The following FMN2 variants were observed in gnomAD, a reference collection of about 807,000 sequenced individuals.
The protein encoded by FMN2 is formin-2.
Under a neutral mutation model 142.3 loss-of-function variants are expected in FMN2, and 51 were observed. The observed-to-expected ratio is 0.36, with a 90% CI of 0.29 to 0.45. The LOEUF (loss-of-function observed/expected upper bound fraction) is 0.45. Ranked by LOEUF, FMN2 falls within the 20% of genes least tolerant of loss-of-function variation. The pLI, the probability that FMN2 is intolerant of heterozygous loss-of-function variation, is 1.00. For missense variants in FMN2, 1,936 were observed against 2,122.8 expected (o/e 0.91, Z 1.73); for synonymous variants, 882 against 869.8 (o/e 1.01, Z -0.25).
At chr1:240,145,500 C>T in intron 2 of FMN2, 1 of 197,062 alleles carries the variant, frequency 5.1e-6, no homozygotes, top group Non-Finnish European at 9.7e-6. Context: ...GTTTTTACTA[C>T]AATGAGGCAA....
At chr1:240,309,163 A>T (rs142940359) in intron 8 of FMN2, among the ~76,000 whole-genome samples, 34 of 152,334 alleles carry the variant, frequency 2.2e-4, no homozygotes, top group African/African-American at 6.5e-4. Context: ...GATAACTTTA[A>T]CAGCACCCTA....
At chr1:240,436,672 G>A (rs12091748) in intron 15 of FMN2, among the ~76,000 whole-genome samples, 1,614 of 42,732 alleles carry the variant, frequency 0.038, 31 homozygotes, top group African/African-American at 0.17. Context: ...GTGAGACTCC[G>A]TCTCAAAAAA....
intron 2 of FMN2, among the ~76,000 whole-genome samples, chr1:240,174,191 C>T (rs1664818928): frequency 6.6e-6 from 1 of 152,128 alleles, no homozygotes; most frequent in South Asian, 2.1e-4. Context: ...TTCTGCTACT[C>T]TGGAAAATAT....
chr1:240,249,285 G>T (rs1342361547), intron 6 of FMN2, among the ~76,000 whole-genome samples: 2 of 152,032 alleles, frequency 1.3e-5, no homozygotes, highest in Admixed American at 1.3e-4. Context: ...TATGGTGAGA[G>T]ATAAGGGTCA....
intron 6 of FMN2, among the ~76,000 whole-genome samples, chr1:240,235,296 A>G (rs183637780): frequency 6.6e-6 from 1 of 152,334 alleles, no homozygotes; most frequent in African/African-American, 2.4e-5. Flanking sequence ...AAAGACTTCT[A>G]AGCCAAGATA....
intron 10 of FMN2, 103 bp downstream of exon 10, chr1:240,329,571 C>T (rs1671310607): frequency 1.4e-6 from 2 of 1,437,432 alleles, no homozygotes; most frequent in African/African-American, 1.4e-5. Flanking sequence ...TAAGTACTCA[C>T]CAAATTTGAA....
chr1:240,144,397 G>T, intron 2 of FMN2: 1 of 1,605,998 alleles, frequency 6.2e-7, no homozygotes. Context: ...AGAAGTTGCT[G>T]TTGAGCTGTA....
intron 14 of FMN2, among the ~76,000 whole-genome samples, chr1:240,384,520 T>G (rs1472864163): frequency 6.6e-6 from 1 of 152,100 alleles, no homozygotes; most frequent in Non-Finnish European, 1.5e-5. Flanking sequence ...TTCTGTGTCT[T>G]TTTTCCCACT....
Position 240,184,236 on chromosome 1 carries a change from C to CTTTT in FMN2, c.1931-3950_1931-3947dup, listed in dbSNP as rs34050336. Among the ~76,000 whole-genome samples, 103 of 79,434 alleles carry CTTTT rather than the reference C, an allele frequency of 1.3e-3. 1 individual carries two copies. Among genetic ancestry groups the CTTTT allele is most frequent in the Middle Eastern group, 0.013 (1 of 76 alleles). The allele number at this position is 79,434 out of a possible 152,430, so 52.1% of individuals were successfully genotyped here. On this transcript the variant is annotated intron_variant, in intron 3 of 17. Coordinates refer to ENST00000319653, the MANE Select transcript of FMN2 (RefSeq NM_020066.5). ...AACTTTTTAAAATGGAATATTTAAC[C>CTTTT]TTTTTTTTTTTTTTTTTTTTTTTTG...
chr1:240,325,399 C>T (rs1441219961), intron 8 of FMN2, among the ~76,000 whole-genome samples: 1 of 150,402 alleles, frequency 6.6e-6, no homozygotes, highest in East Asian at 1.9e-4. Flanking sequence ...CATATTCCTC[C>T]AAAAGTAACA....
At chr1:240,444,752 A>T (rs2103194813) in intron 16 of FMN2, among the ~76,000 whole-genome samples, 1 of 152,296 alleles carries the variant, frequency 6.6e-6, no homozygotes, top group Non-Finnish European at 1.5e-5. Context: ...TTTTTCCGTA[A>T]TTTGTATTCA....
intron 13 of FMN2, among the ~76,000 whole-genome samples, chr1:240,344,237 A>C (rs1331960351): frequency 6.6e-6 from 1 of 152,148 alleles, no homozygotes; most frequent in Non-Finnish European, 1.5e-5. Context: ...AAATCTTTCT[A>C]TTTTTAGGGA....
At chr1:240,145,453 ACTTTTT>A (rs1324060740) in intron 2 of FMN2, 2 of 331,312 alleles carry the variant, frequency 6.0e-6, no homozygotes, top group Non-Finnish European at 1.1e-5. Flanking sequence ...TAGGGGAAAA[ACTTTTT>A]CTTTAGTATT....
chr1:240,132,454 C>T (rs533542380), intron 2 of FMN2, among the ~76,000 whole-genome samples: 1 of 152,238 alleles, frequency 6.6e-6, no homozygotes, highest in Admixed American at 6.5e-5. Context: ...GTGTTTAAGA[C>T]TTCAGAGGTG....
intron 6 of FMN2, among the ~76,000 whole-genome samples, chr1:240,214,470 G>A (rs2103409409): frequency 6.6e-6 from 1 of 150,400 alleles, no homozygotes; most frequent in Admixed American, 6.7e-5. Flanking sequence ...AGAATGGCGT[G>A]AACCCGGGAA....
intron 2 of FMN2, among the ~76,000 whole-genome samples, chr1:240,140,777 A>G (rs964321595): frequency 1.3e-5 from 2 of 152,148 alleles, no homozygotes; most frequent in African/African-American, 2.4e-5. Context: ...TCTTTTAATT[A>G]TTTCAAGCCA....
chr1:240,422,663 T>C (rs895625861), intron 15 of FMN2, among the ~76,000 whole-genome samples: 37 of 152,252 alleles, frequency 2.4e-4, no homozygotes, highest in African/African-American at 8.2e-4. Context: ...TGGCATTTTC[T>C]ACATAGACGT....
chr1:240,144,545 A>T, intron 2 of FMN2: 7 of 1,442,252 alleles, frequency 4.9e-6, no homozygotes, highest in Non-Finnish European at 6.8e-6. Context: ...GATGTCTTCT[A>T]CCAGCTCCAT....
chr1:240,280,598 C>T (rs1208647180), intron 7 of FMN2, among the ~76,000 whole-genome samples: 3 of 152,098 alleles, frequency 2.0e-5, no homozygotes, highest in Admixed American at 6.6e-5. Context: ...TTTACCTAAG[C>T]AAGAAGGTGA....
Sources: gnomAD v4.1 joint callset for allele counts (sites outside exome capture counted in the v4.1 genomes callset) on GRCh38, gnomAD v4.1.1 for gene constraint, MANE v1.5 for transcripts, NCBI Gene and HGNC (gene_info 2026-07-23, HGNC 2026-07-21) for gene names.